HPN: variants seen among roughly 807,000 people sequenced by gnomAD.
HPN encodes the protein serine protease hepsin.
In HPN, 13 loss-of-function variants were observed where a neutral mutation model predicts 55.9. The observed-to-expected ratio is 0.23, with a 90% CI of 0.15 to 0.37. The LOEUF is 0.37. Ranked by LOEUF, HPN falls within the 10% of genes least tolerant of loss-of-function variation. HPN has a pLI of 1.00. For synonymous variants in HPN, 225 were observed against 240.3 expected, an observed-to-expected ratio of 0.94 and a Z score of 0.59; for missense variants, 451 against 575.8, an observed-to-expected ratio of 0.78 and a Z score of 2.22.
chr19:35,059,473 C>A (rs1382948166), intron 4 of HPN, 200 bp from the exon 5 acceptor site: 5 of 726,166 alleles, frequency 6.9e-6, no homozygotes, highest in Middle Eastern at 2.3e-4. Flanking sequence ...CAGAGCGAGA[C>A]CCTGTCTTTA....
intron 4 of HPN, among the ~76,000 whole-genome samples, chr19:35,056,353 G>A (rs553274507): frequency 6.6e-6 from 1 of 152,082 alleles, no homozygotes; most frequent in Non-Finnish European, 1.5e-5. Flanking sequence ...CAGGGGTCGG[G>A]GTTTTTGTCT....
At chr19:35,041,626 GC>G (rs963608382), upstream of HPN, 9 of 1,154,698 alleles carry the variant, frequency 7.8e-6, no homozygotes, top group Non-Finnish European at 9.7e-6. Context: ...CACAAGCCCG[GC>G]CCCATCAGCC....
intron 4 of HPN, 119 bp from the exon 5 acceptor site, chr19:35,059,554 C>A: frequency 7.7e-7 from 1 of 1,295,776 alleles, no homozygotes. Context: ...CTCCGATGGG[C>A]TGGGGTTCAC....
intron 10 of HPN, 54 bp from the exon 11 acceptor site, chr19:35,065,485 A>G (rs1294932769): frequency 1.3e-6 from 2 of 1,595,794 alleles, no homozygotes; most frequent in South Asian, 1.1e-5. Context: ...ACCAGGAGGG[A>G]AGGGGGGTGT....
In HPN at chr19:35,060,436, T is replaced by C. The variant is rs1190723686; in HGVS notation, c.544T>C (p.Tyr182His). ...GRWPWQVSLR[Y>H]DGAHLCGGSL... is the part of the protein sequence containing the mutation. ...GTGGCCGTGGCAAGTCAGCCTTCGC[T>C]ATGATGGAGCACACCTCTGTGGGGG... Residue 182 changes from tyrosine (Y) to histidine (H), a missense_variant, in exon 8 of 13, where the codon TAT becomes CAT. Transcript: ENST00000672452. 2 of 1,613,390 alleles carry C rather than the reference T, an allele frequency of 1.2e-6. No homozygotes were observed. The highest frequency in any genetic ancestry group is 2.2e-5 in the South Asian group (2 of 91,078).
intron 1 of HPN, 159 bp from the exon 2 acceptor site, chr19:35,042,294 A>C: frequency 2.9e-6 from 4 of 1,391,920 alleles, no homozygotes; most frequent in Non-Finnish European, 3.7e-6. Context: ...CACTGACCCC[A>C]TCCTTGAACC....
chr19:35,041,794 C>A lies in HPN; in HGVS notation c.-133C>A, dbSNP rs769954312. On this transcript the variant is annotated 5_prime_UTR_variant, in exon 1 of 13. Coordinates refer to ENST00000672452, the MANE Select transcript of HPN (RefSeq NM_001384133.1). ...AGGCCGCCCGCTGCTGCGGGGCCAC[C>A]ATGCTCCTGCCCAGGCCTGGAGACT... The A allele has an allele frequency of 7.5e-7, 1 of 1,329,394 alleles. No individual in the cohort carries two copies. The highest frequency in any genetic ancestry group is 1.2e-5 in the South Asian group (1 of 84,678). The allele number at this position is 1,329,394 out of a possible 1,614,324, so 82.3% of individuals were successfully genotyped here.
intron 7 of HPN, 53 bp downstream of exon 7, chr19:35,060,222 T>A (rs750255506): frequency 6.2e-7 from 1 of 1,610,368 alleles, no homozygotes; most frequent in Non-Finnish European, 8.5e-7. Flanking sequence ...GGAGGCCACG[T>A]CCCCTCAAGC....
chr19:35,046,481 G>C (rs2064343542), intron 2 of HPN, among the ~76,000 whole-genome samples: 1 of 152,120 alleles, frequency 6.6e-6, no homozygotes, highest in Non-Finnish European at 1.5e-5. Flanking sequence ...CTGACCTCAA[G>C]TGATCCACCT....
intron 9 of HPN, among the ~76,000 whole-genome samples, chr19:35,062,075 A>C (rs1434485263): frequency 6.6e-6 from 1 of 152,090 alleles, no homozygotes; most frequent in East Asian, 1.9e-4. Flanking sequence ...AAGAAGAAAG[A>C]AAGAAAGAGA....
chr19:35,057,597 T>C (rs2064468831), intron 4 of HPN, among the ~76,000 whole-genome samples: 1 of 152,152 alleles, frequency 6.6e-6, no homozygotes, highest in East Asian at 1.9e-4. Flanking sequence ...AAGATATAAA[T>C]GTCTTGTTGG....
At position 35,059,868 on chromosome 19, in the gene HPN, G is replaced by T. The variant is rs750102251; in HGVS notation, c.291-6G>T. On this transcript the variant is annotated splice_region_variant and splice_polypyrimidine_tract_variant and intron_variant, in intron 5 of 12. Coordinates refer to ENST00000672452, the MANE Select transcript of HPN (RefSeq NM_001384133.1). ...GGGGAGCAGGCCTAACCCCTGCCCC[G>T]CCCAGGGCACTGACCCACTCCGAGC... 22 of 1,499,138 alleles carry T rather than the reference G, an allele frequency of 1.5e-5. No homozygotes were observed. Among genetic ancestry groups the T allele is most frequent in the Admixed American group, 9.5e-5 (4 of 42,250 alleles). 92.9% of individuals were successfully genotyped at this position (1,499,138 alleles called of 1,614,324 possible).
intron 4 of HPN, among the ~76,000 whole-genome samples, chr19:35,054,522 C>T (rs2064436239): frequency 1.3e-5 from 2 of 152,056 alleles, no homozygotes. Context: ...CCCACTGACA[C>T]CCCCCAGTAA....
chr19:35,042,197 C>A, intron 1 of HPN: 1 of 1,252,264 alleles, frequency 8.0e-7, no homozygotes, highest in Non-Finnish European at 1.0e-6. Context: ...TCCCTCAAAC[C>A]GGGATCCTCA....
At chr19:35,061,595 T>C (rs1400475838) in intron 9 of HPN, among the ~76,000 whole-genome samples, 1 of 151,888 alleles carries the variant, frequency 6.6e-6, no homozygotes, top group Non-Finnish European at 1.5e-5. Context: ...CTCTGTCATC[T>C]TGAAAATAAA....
chr19:35,054,981 T>C (rs528544602), intron 4 of HPN, among the ~76,000 whole-genome samples: 1 of 152,256 alleles, frequency 6.6e-6, no homozygotes, highest in African/African-American at 2.4e-5. Flanking sequence ...TTTCCCAGAA[T>C]GTGCTCTCAG....
chr19:35,040,896 G>C (rs959936467), upstream of HPN, among the ~76,000 whole-genome samples: 4 of 152,200 alleles, frequency 2.6e-5, no homozygotes, highest in Middle Eastern at 3.2e-3. Context: ...GTGGGTAAGC[G>C]GGTGGGGCCG....
At chr19:35,055,278 T>A (rs567497837) in intron 4 of HPN, among the ~76,000 whole-genome samples, 84 of 152,150 alleles carry the variant, frequency 5.5e-4, no homozygotes, top group Admixed American at 9.2e-4. Context: ...GCCCCTGTGG[T>A]CCTAGCTACT....
rs1306947961 is a variant in HPN at position 35,066,194 on chromosome 19, T to C, written c.1216-55T>C. The C allele has an allele frequency of 4.3e-6, 7 of 1,613,800 alleles. No individual in the cohort carries two copies. The East Asian group carries it at 1.6e-4, about 36-fold the overall frequency. ...AGGGTTCCTGGGGAAGGGAAGCCAGTGGTGGGACGTGGAAGCCTCTCAGAC... is the reference window on the plus strand; with the variant it reads ...AGGGTTCCTGGGGAAGGGAAGCCAGCGGTGGGACGTGGAAGCCTCTCAGAC... On this transcript the variant is annotated intron_variant, in intron 12 of 12. Coordinates refer to ENST00000672452, the MANE Select transcript of HPN (RefSeq NM_001384133.1).
Sources: allele counts gnomAD v4.1 joint callset (sites outside exome capture counted in the v4.1 genomes callset), GRCh38; gene constraint gnomAD v4.1.1; transcripts MANE v1.5; gene names NCBI Gene and HGNC (gene_info 2026-07-23, HGNC 2026-07-21).